Variants in STXBP4 observed in about 807,000 individuals in gnomAD.
STXBP4 encodes the protein syntaxin-binding protein 4.
In STXBP4, 55 loss-of-function variants were observed where a neutral mutation model predicts 76.1. That is an observed-to-expected ratio of 0.72 (90% CI 0.58 to 0.91). The LOEUF is 0.91. Ranked by LOEUF, STXBP4 falls within the 40% of genes least tolerant of loss-of-function variation. The probability of loss-of-function intolerance (pLI) is 0.00; values close to 1 mark genes in which losing one functional copy is unlikely to be tolerated. For missense variants in STXBP4, 618 were observed against 636.9 expected (o/e 0.97, Z 0.32); for synonymous variants, 201 against 220.2 (o/e 0.91, Z 0.77).
chr17:55,213,007 C>T, the STXBP4 span, among the ~76,000 whole-genome samples: 1 of 152,148 alleles, frequency 6.6e-6, no homozygotes, highest in Non-Finnish European at 1.5e-5. Context: ...TGGGGCCACT[C>T]AGAAAACTGG....
At chr17:55,186,437 T>C in the STXBP4 span, among the ~76,000 whole-genome samples, 1 of 152,204 alleles carries the variant, frequency 6.6e-6, no homozygotes, top group Non-Finnish European at 1.5e-5. Flanking sequence ...AAAAACTTGG[T>C]TGGCTTTGTT....
In STXBP4 at chr17:54,981,328, C is replaced by T. The variant is rs912356216; in HGVS notation, c.-156-4286C>T. Among the ~76,000 whole-genome samples the T allele has an allele frequency of 2.0e-5, 3 of 151,564 alleles. No individual in the cohort carries two copies. In the East Asian group the frequency reaches 5.8e-4, roughly 29 times the overall value. On this transcript the variant is annotated intron_variant, in intron 1 of 17. Transcript: ENST00000376352. ...AACAAATGAGAGATGATCGGCCTTA[C>T]TAGATATGATAGTGCCTCTGTAATT...
In STXBP4 at chr17:55,084,701, G is replaced by A. The variant is rs1486784737; in HGVS notation, c.1489+3518G>A. Among the ~76,000 whole-genome samples the A allele has an allele frequency of 4.9e-4, 74 of 151,840 alleles. 2 individuals are homozygous for A. Among genetic ancestry groups the A allele is most frequent in the Non-Finnish European group, 2.9e-5 (2 of 67,984 alleles). On this transcript the variant is annotated intron_variant, in intron 16 of 17. Coordinates refer to ENST00000376352, the MANE Select transcript of STXBP4 (RefSeq NM_178509.6). ...ATCCAGTTTCAGCTTTCTACATATG[G>A]CTAGCCAGTTTTCCCAGCACCATTT...
rs117641024 is a variant in STXBP4 at position 55,158,722 on chromosome 17, A to T, written c.1548-1075A>T. On this transcript the variant is annotated intron_variant, in intron 17 of 17. Transcript: ENST00000376352. ...TGAAACACTTTTCAGGATGCTGGTCATTTGTTCTGAGATCATGTTAGGCCC... is the reference window on the plus strand; with the variant it reads ...TGAAACACTTTTCAGGATGCTGGTCTTTTGTTCTGAGATCATGTTAGGCCC... Among the ~76,000 whole-genome samples the T allele has an allele frequency of 2.6e-4, 40 of 152,312 alleles. No individual in the cohort carries two copies. The East Asian group carries it at 5.8e-3, about 22-fold the overall frequency.
rs1242192149 is a variant in STXBP4, at chr17:55,034,262, A to G, written c.855+3A>G. 5.0e-6 allele frequency: 8 copies of G among 1,606,910 alleles called. No individual in the cohort carries two copies. The highest frequency in any genetic ancestry group is 1.7e-4 in the Middle Eastern group (1 of 6,024). On this transcript the variant is annotated splice_donor_region_variant and intron_variant, in intron 10 of 17. Coordinates refer to ENST00000376352, the MANE Select transcript of STXBP4 (RefSeq NM_178509.6). ...TTTCCAATATATTAGATTCACAGGT[A>G]GAGTATGCCCTATAGAATTGCTTTG...
At chr17:55,007,974 A>AT (rs1200073335) in intron 8 of STXBP4, among the ~76,000 whole-genome samples, 1 of 152,036 alleles carries the variant, frequency 6.6e-6, no homozygotes, top group Non-Finnish European at 1.5e-5. Flanking sequence ...CCATTATTCA[A>AT]TTTTTTTTAA....
At chr17:55,149,646 A>G (rs2080193107) in intron 17 of STXBP4, among the ~76,000 whole-genome samples, 1 of 152,160 alleles carries the variant, frequency 6.6e-6, no homozygotes, top group Admixed American at 6.5e-5. Flanking sequence ...TATTTACACA[A>G]CTGCAGATGG....
intron 10 of STXBP4, among the ~76,000 whole-genome samples, chr17:55,038,172 T>A (rs564171564): frequency 4.6e-5 from 7 of 152,244 alleles, no homozygotes; most frequent in South Asian, 2.1e-4. Context: ...TTTATTTTTT[T>A]AAATATTATT....
intron 16 of STXBP4, among the ~76,000 whole-genome samples, chr17:55,083,473 C>T (rs775561067): frequency 3.3e-5 from 5 of 152,126 alleles, no homozygotes; most frequent in Non-Finnish European, 5.9e-5. Flanking sequence ...TAAAAATAAG[C>T]TGTTCCATTT....
the STXBP4 span, among the ~76,000 whole-genome samples, chr17:55,195,060 C>T: frequency 3.6e-4 from 55 of 152,230 alleles, no homozygotes; most frequent in Non-Finnish European, 8.1e-4. Context: ...TTGAAACAAA[C>T]AGTCCTATTA....
At chr17:55,136,737 G>T (rs1487617481) in intron 16 of STXBP4, among the ~76,000 whole-genome samples, 1 of 152,068 alleles carries the variant, frequency 6.6e-6, no homozygotes, top group East Asian at 1.9e-4. Context: ...CTGGATCAGG[G>T]TCAGAGTGTC....
intron 16 of STXBP4, among the ~76,000 whole-genome samples, chr17:55,097,662 C>CA (rs200058182): frequency 0.26 from 35,666 of 134,902 alleles, 4,511 homozygotes; most frequent in Middle Eastern, 0.42. Context: ...GACTCCATCT[C>CA]AAAAAAAAAA....
At chr17:55,075,191 C>A (rs2079166475) in intron 13 of STXBP4, among the ~76,000 whole-genome samples, 1 of 152,042 alleles carries the variant, frequency 6.6e-6, no homozygotes, top group African/African-American at 2.4e-5. Flanking sequence ...TTATTCTTAA[C>A]CATTTTCTTG....
At chr17:55,087,115 G>T (rs996636067) in intron 16 of STXBP4, among the ~76,000 whole-genome samples, 2 of 151,994 alleles carry the variant, frequency 1.3e-5, no homozygotes, top group African/African-American at 4.8e-5. Context: ...AGATTGATTG[G>T]TTTTTTGCTG....
At chr17:54,993,609 A>G (rs1255032627) in intron 4 of STXBP4, among the ~76,000 whole-genome samples, 2 of 152,270 alleles carry the variant, frequency 1.3e-5, no homozygotes, top group African/African-American at 4.8e-5. Context: ...ACAACAATGT[A>G]TTAATACATT....
In STXBP4 at chr17:54,986,194, A is replaced by G. The variant is rs774638678; in HGVS notation, c.-26A>G. 6.3e-7 allele frequency: 1 copy of G among 1,588,434 alleles called. No individual in the cohort carries two copies. Among genetic ancestry groups the G allele is most frequent in the Non-Finnish European group, 8.6e-7 (1 of 1,164,764 alleles). On this transcript the variant is annotated 5_prime_UTR_variant, in exon 3 of 18. Transcript: ENST00000376352. ...CAAGATCTTCATTTATACAGCTGTT[A>G]AATCCAAGGCTACTTTGGTGAAAGC...
the STXBP4 span, among the ~76,000 whole-genome samples, chr17:55,187,429 T>TAAA: frequency 7.0e-6 from 1 of 143,392 alleles, no homozygotes; most frequent in Non-Finnish European, 1.5e-5. Flanking sequence ...GCTTATGATT[T>TAAA]AAAAAAAAAA....
chr17:55,088,346 G>A (rs770304779), intron 16 of STXBP4, among the ~76,000 whole-genome samples: 11 of 152,144 alleles, frequency 7.2e-5, no homozygotes, highest in South Asian at 6.2e-4. Flanking sequence ...TTATACTATG[G>A]GATTTTCTCA....
intron 16 of STXBP4, among the ~76,000 whole-genome samples, chr17:55,102,109 C>G (rs1334081085): frequency 1.3e-5 from 2 of 151,618 alleles, no homozygotes; most frequent in African/African-American, 4.8e-5. Flanking sequence ...TATCTCGTTA[C>G]TAGCAATTTG....
Sources: gnomAD v4.1 joint callset for allele counts (sites outside exome capture counted in the v4.1 genomes callset) on GRCh38, gnomAD v4.1.1 for gene constraint, MANE v1.5 for transcripts, NCBI Gene and HGNC (gene_info 2026-07-23, HGNC 2026-07-21) for gene names.